The following KLHDC8A variants were observed in gnomAD, a reference collection of about 807,000 sequenced individuals.
The protein encoded by KLHDC8A is kelch domain containing 8A, also known as kelch domain-containing protein 8A.
A neutral mutation model predicts 33.1 loss-of-function variants in KLHDC8A; 21 were observed. The ratio of observed to expected loss-of-function variants is 0.64; its 90% confidence interval spans 0.45 to 0.91. KLHDC8A has a LOEUF of 0.91. Ranked by LOEUF, KLHDC8A falls within the 40% of genes least tolerant of loss-of-function variation. KLHDC8A has a pLI of 0.00. For synonymous variants in KLHDC8A, 173 were observed against 193.5 expected (o/e 0.89, Z 0.88); for missense variants, 435 against 483.3 (o/e 0.90, Z 0.94).
At position 205,343,318 on chromosome 1, in the gene KLHDC8A, A is replaced by G; in HGVS notation, c.287T>C (p.Val96Ala). Residue 96 changes from valine to alanine, a missense_variant, in exon 2 of 6, where the codon GTC (valine) becomes GCC (alanine). Coordinates refer to ENST00000367155, the MANE Select transcript of KLHDC8A (RefSeq NM_018203.3). ...GVGTNQLPLK[V>A]VEMYNIDEGK... The stretch of plus-strand genomic sequence containing the variant: ...CTCATCGATGTTGTACATCTCCACG[A>G]CCTTCAGGGGCAGCTGATTGGTGCC... 1.2e-6 allele frequency: 2 copies of G among 1,613,320 alleles called. No individual in the cohort carries two copies. The highest frequency in any genetic ancestry group is 1.7e-6 in the Non-Finnish European group (2 of 1,179,902).
chr1:205,353,751 C>G (rs1238790710), intron 1 of KLHDC8A, among the ~76,000 whole-genome samples: 1 of 152,130 alleles, frequency 6.6e-6, no homozygotes, highest in African/African-American at 2.4e-5. Context: ...GTTGACACGG[C>G]AATATCTAGT....
rs768506470 is a variant in KLHDC8A at position 205,337,505 on chromosome 1, C to T, written c.947G>A (p.Arg316His). 3.0e-5 allele frequency: 48 copies of T among 1,613,956 alleles called. No homozygotes were observed. The highest frequency in any genetic ancestry group is 3.7e-5 in the Non-Finnish European group (44 of 1,179,896). The stretch of plus-strand genomic sequence containing the variant: ...GACGACTATGCTGGAGCAGGCACAG[C>T]GGGGTGTGGGCATGGCAGGGAGGAT... ...WEILPAMPTPRCACSSIVVKN... is the reference protein window; with the variant it reads ...WEILPAMPTPHCACSSIVVKN... The change falls in exon 6 of 6, where the codon CGC (arginine) becomes CAC (histidine). Residue 316 changes from arginine to histidine, a missense_variant. Coordinates refer to ENST00000367155, the MANE Select transcript of KLHDC8A (RefSeq NM_018203.3).
At chr1:205,348,487 T>C (rs1484888081) in intron 1 of KLHDC8A, 2 of 152,130 alleles carry the variant, frequency 1.3e-5, no homozygotes, top group Non-Finnish European at 1.5e-5. Flanking sequence ...CCACAGACCA[T>C]GTGGTCAGCA....
At chr1:205,338,456 G>T in intron 5 of KLHDC8A, 39 bp downstream of exon 5, 1 of 1,511,742 alleles carries the variant, frequency 6.6e-7, no homozygotes, top group Non-Finnish European at 9.2e-7. Flanking sequence ...CTGAGCACCA[G>T]AACCACAATA....
At chr1:205,346,660 G>A (rs541086001) in intron 1 of KLHDC8A, among the ~76,000 whole-genome samples, 53 of 152,354 alleles carry the variant, frequency 3.5e-4, no homozygotes, top group Middle Eastern at 3.4e-3. Flanking sequence ...TTAATGAGAT[G>A]AAGTGACTTA....
chr1:205,345,418 G>A (rs1662918834), intron 1 of KLHDC8A, among the ~76,000 whole-genome samples: 1 of 152,156 alleles, frequency 6.6e-6, no homozygotes, highest in Middle Eastern at 3.4e-3. Flanking sequence ...TCACAACCAG[G>A]GTTTTGAAAT....
At chr1:205,351,859 C>T (rs186677440) in intron 1 of KLHDC8A, among the ~76,000 whole-genome samples, 156 of 151,484 alleles carry the variant, frequency 1.0e-3, no homozygotes, top group Non-Finnish European at 1.9e-3. Context: ...GTGGAGGTTG[C>T]GGTGAGCTGA....
In KLHDC8A at chr1:205,339,807, A is replaced by G. The variant is rs745518120; in HGVS notation, c.378T>C (p.Asp126=). Residue 126 remains aspartate, a splice_region_variant and synonymous_variant, in exon 3 of 6, where the codon GAT becomes GAC. Transcript: ENST00000367155. This position sits in a 1 kb window ranked among gnomAD's most constrained non-coding sequence, Gnocchi z 5.1. ...TCCCGCCTGCCGCATATACTCGGTA[A>G]TCTAAGAAGAAAGGCCATACATGCC... ...AAMGISVTAK[D]YRVYAAGGMG... 1.9e-6 allele frequency: 3 copies of G among 1,613,618 alleles called. No individual in the cohort carries two copies. Among genetic ancestry groups the G allele is most frequent in the South Asian group, 1.1e-5 (1 of 91,052 alleles).
chr1:205,352,162 T>G (rs532152405), intron 1 of KLHDC8A, among the ~76,000 whole-genome samples: 1 of 152,282 alleles, frequency 6.6e-6, no homozygotes, highest in South Asian at 2.1e-4. Context: ...GCCTCTTTGC[T>G]TCTCCCAGCA....
intron 1 of KLHDC8A, among the ~76,000 whole-genome samples, chr1:205,355,109 TC>T (rs140443163): frequency 8.7e-4 from 132 of 152,228 alleles, no homozygotes; most frequent in African/African-American, 3.1e-3. Context: ...AGTGTATCAC[TC>T]CCCCTCATCC....
At chr1:205,337,645 T>TGCCCCACGGTC (rs747495941) in intron 5 of KLHDC8A, 53 bp from the exon 6 acceptor site, 179 of 1,392,186 alleles carry the variant, frequency 1.3e-4, no homozygotes, top group Non-Finnish European at 1.7e-4. Flanking sequence ...CACCAATCCA[T>TGCCCCACGGTC]GCCCCACGGT....
At chr1:205,346,707 G>C (rs1288692796) in intron 1 of KLHDC8A, among the ~76,000 whole-genome samples, 1 of 152,194 alleles carries the variant, frequency 6.6e-6, no homozygotes, top group African/African-American at 2.4e-5. Context: ...TGGGTCCAAG[G>C]TATGAATTCC....
At chr1:205,348,727 A>G (rs1359099693) in intron 1 of KLHDC8A, 1 of 152,004 alleles carries the variant, frequency 6.6e-6, no homozygotes, top group Non-Finnish European at 1.5e-5. Flanking sequence ...AAGTTTCTGT[A>G]CCTCTGACTT....
At position 205,339,101 on chromosome 1, in the gene KLHDC8A, C is replaced by T; in HGVS notation, c.757+93G>A. On this transcript the variant is annotated intron_variant, in intron 4 of 5. Transcript: ENST00000367155. This position sits in a 1 kb window ranked among gnomAD's most constrained non-coding sequence, Gnocchi z 5.1. ...AAGCTTGCCCAGCTGGGTAAACGGC[C>T]CTGGAAGATGGCTGGAATAGGGGTA... 9.5e-7 allele frequency: 1 copy of T among 1,058,160 alleles called. No individual in the cohort carries two copies. The highest frequency in any genetic ancestry group is 1.4e-6 in the Non-Finnish European group (1 of 712,252). The allele number at this position is 1,058,160 out of a possible 1,614,324, so 65.5% of individuals were successfully genotyped here.
intron 1 of KLHDC8A, among the ~76,000 whole-genome samples, chr1:205,354,552 G>A (rs538063684): frequency 1.4e-4 from 21 of 152,302 alleles, no homozygotes; most frequent in Non-Finnish European, 2.2e-4. Flanking sequence ...ATAAATATCT[G>A]TAAGCAGTAA....
At chr1:205,346,354 T>G (rs951737098) in intron 1 of KLHDC8A, among the ~76,000 whole-genome samples, 19 of 152,338 alleles carry the variant, frequency 1.2e-4, no homozygotes, top group African/African-American at 4.3e-4. Context: ...CGGGAAGATT[T>G]AAAGCCATAG....
In KLHDC8A at chr1:205,343,390, A is replaced by AC; in HGVS notation, c.214dup (p.Val72GlyfsTer33). ...CCGCTTCCCCAGGGCGGTGACGGCC[A>AC]CCCCCGCCCGGGCTGTGGGCAGCCG... On this transcript the variant is annotated frameshift_variant, in exon 2 of 6. Transcript: ENST00000367155. LOFTEE classifies it high-confidence loss of function. The AC allele has an allele frequency of 6.2e-7, 1 of 1,612,766 alleles. No homozygotes were observed. The highest frequency in any genetic ancestry group is 8.5e-7 in the Non-Finnish European group (1 of 1,179,684).
chr1:205,339,090 G>T lies in KLHDC8A; in HGVS notation c.757+104C>A. The stretch of plus-strand genomic sequence containing the variant: ...AGACTTCTGAGAAGCTTGCCCAGCT[G>T]GGTAAACGGCCCTGGAAGATGGCTG... On this transcript the variant is annotated intron_variant, in intron 4 of 5. Coordinates refer to ENST00000367155, the MANE Select transcript of KLHDC8A (RefSeq NM_018203.3). The surrounding 1 kb of genome is among the most constrained non-coding windows in gnomAD (Gnocchi z 5.1). The T allele has an allele frequency of 1.1e-6, 1 of 917,276 alleles. No homozygotes were observed. Among genetic ancestry groups the T allele is most frequent in the Non-Finnish European group, 1.7e-6 (1 of 596,052 alleles). The allele number at this position is 917,276 out of a possible 1,614,324, so 56.8% of individuals were successfully genotyped here. A position where few individuals can be genotyped will look rare whatever the true frequency, so the allele number is the denominator to read the frequency against.
At chr1:205,349,259 A>C (rs1558689111) in intron 1 of KLHDC8A, among the ~76,000 whole-genome samples, 1 of 152,190 alleles carries the variant, frequency 6.6e-6, no homozygotes, top group African/African-American at 2.4e-5. Flanking sequence ...TCAGTTATTC[A>C]GGTTCCCTTC....
Sources: gnomAD v4.1 joint callset for allele counts (sites outside exome capture counted in the v4.1 genomes callset) on GRCh38, gnomAD v4.1.1 for gene constraint, Gnocchi (gnomAD v3.1) non-coding constraint, MANE v1.5 for transcripts, NCBI Gene and HGNC (gene_info 2026-07-23, HGNC 2026-07-21) for gene names.